SEMA5A: variants seen among roughly 807,000 people sequenced by gnomAD.
SEMA5A encodes semaphorin 5A.
In SEMA5A, 55 loss-of-function variants were observed where a neutral mutation model predicts 135.5. The ratio of observed to expected loss-of-function variants is 0.41; its 90% confidence interval spans 0.33 to 0.51. The LOEUF (loss-of-function observed/expected upper bound fraction) is 0.51, where lower values mean the gene tolerates loss of function less well. Ranked by LOEUF, SEMA5A falls within the 20% of genes least tolerant of loss-of-function variation. The probability of loss-of-function intolerance (pLI) is 0.37; values close to 1 mark genes in which losing one functional copy is unlikely to be tolerated. For synonymous variants in SEMA5A, 580 were observed against 546.5 expected (o/e 1.06, Z -0.85); for missense variants, 1,290 against 1,419.9 (o/e 0.91, Z 1.47).
intron 11 of SEMA5A, among the ~76,000 whole-genome samples, chr5:9,167,250 C>A (rs1743660765): frequency 6.6e-6 from 1 of 152,130 alleles, no homozygotes; most frequent in Admixed American, 6.6e-5. Context: ...TTATCCATTT[C>A]TATGATTTCA....
intron 9 of SEMA5A, among the ~76,000 whole-genome samples, chr5:9,197,738 G>C: frequency 1.1e-5 from 1 of 90,060 alleles, no homozygotes; most frequent in African/African-American, 3.9e-5. Context: ...TTGTGTGTGT[G>C]TGTGTGTGTG....
chr5:9,056,733 T>A (rs541244605), intron 18 of SEMA5A, among the ~76,000 whole-genome samples: 2 of 152,066 alleles, frequency 1.3e-5, no homozygotes, highest in East Asian at 3.9e-4. Flanking sequence ...AATAAAAAAA[T>A]GAAAATAGAA....
chr5:9,073,262 T>C (rs1387131383), intron 16 of SEMA5A, among the ~76,000 whole-genome samples: 2 of 152,204 alleles, frequency 1.3e-5, no homozygotes, highest in East Asian at 1.9e-4. Flanking sequence ...TAACACCTCA[T>C]GATCAAGTGG....
chr5:9,434,265 T>C (rs564530420), intron 2 of SEMA5A, among the ~76,000 whole-genome samples: 2 of 152,302 alleles, frequency 1.3e-5, no homozygotes, highest in Non-Finnish European at 2.9e-5. Flanking sequence ...CAGAATTTTA[T>C]GTCTAGTATT....
At chr5:9,476,828 T>C (rs944388504) in intron 1 of SEMA5A, among the ~76,000 whole-genome samples, 2 of 152,062 alleles carry the variant, frequency 1.3e-5, no homozygotes, top group Non-Finnish European at 1.5e-5. Context: ...ATCCCAGCAG[T>C]TTGGGAGGCC....
intron 3 of SEMA5A, among the ~76,000 whole-genome samples, chr5:9,353,825 C>T (rs927175959): frequency 2.0e-5 from 3 of 152,038 alleles, no homozygotes; most frequent in Non-Finnish European, 2.9e-5. Flanking sequence ...AAAAAGCAAA[C>T]CTTCTGGAAT....
rs6874269 is a variant in SEMA5A, at chr5:9,226,316, C to A, written c.432+553G>T. ...TTCTACTGACCCTGCCATGCTACTGCTATGGTGTGTGCAGCTGAAAATTAC... is the reference window on the plus strand; with the variant it reads ...TTCTACTGACCCTGCCATGCTACTGATATGGTGTGTGCAGCTGAAAATTAC... On this transcript the variant is annotated intron_variant, in intron 7 of 22. Coordinates refer to ENST00000382496, the MANE Select transcript of SEMA5A (RefSeq NM_003966.3). 9.3e-3 allele frequency among the ~76,000 whole-genome samples: 1,411 copies of A among 152,264 alleles called. 20 individuals are homozygous for A. The highest frequency in any genetic ancestry group is 0.028 in the African/African-American group (1,170 of 41,534).
At chr5:9,522,954 G>A (rs1165567139) in intron 1 of SEMA5A, 2 of 152,152 alleles carry the variant, frequency 1.3e-5, no homozygotes, top group African/African-American at 4.8e-5. Context: ...TCTAAATGAT[G>A]ACGCACATAC....
At chr5:9,310,270 G>A (rs73742634) in intron 5 of SEMA5A, among the ~76,000 whole-genome samples, 3,245 of 152,122 alleles carry the variant, frequency 0.021, 115 homozygotes, top group African/African-American at 0.075. Flanking sequence ...CAATATGTCT[G>A]GATTCCAAAT....
chr5:9,292,099 C>T (rs1019397790), intron 5 of SEMA5A, among the ~76,000 whole-genome samples: 1 of 151,622 alleles, frequency 6.6e-6, no homozygotes, highest in Non-Finnish European at 1.5e-5. Flanking sequence ...GAAGCAGAAG[C>T]AACAGTGGCG....
In SEMA5A at chr5:9,037,653, A is replaced by C. The variant is rs1030002718; in HGVS notation, c.*5244T>G. 2 of 152,132 alleles carry C rather than the reference A, an allele frequency of 1.3e-5. No individual in the cohort carries two copies. Among genetic ancestry groups the C allele is most frequent in the Non-Finnish European group, 2.9e-5 (2 of 68,024 alleles). The allele number at this position is 152,132 out of a possible 1,614,324, so 9.4% of individuals were successfully genotyped here. A position where few individuals can be genotyped will look rare whatever the true frequency, so the allele number is the denominator to read the frequency against. ...CATCTTATTTACCTTTTCTATTACC[A>C]AAAGAGAAAAGAAGCAAGGATTAAA... On this transcript the variant is annotated 3_prime_UTR_variant, in exon 23 of 23. Coordinates refer to ENST00000382496, the MANE Select transcript of SEMA5A (RefSeq NM_003966.3).
At chr5:9,513,442 G>A (rs1414416043) in intron 1 of SEMA5A, among the ~76,000 whole-genome samples, 1 of 152,144 alleles carries the variant, frequency 6.6e-6, no homozygotes, top group Non-Finnish European at 1.5e-5. Context: ...AATGTGCACA[G>A]CTTATACAGT....
At chr5:9,213,184 A>G (rs1317930117) in intron 8 of SEMA5A, among the ~76,000 whole-genome samples, 1 of 152,266 alleles carries the variant, frequency 6.6e-6, no homozygotes, top group African/African-American at 2.4e-5. Flanking sequence ...ATACCATTAC[A>G]TTGAAGGTTC....
At chr5:9,395,654 T>C (rs1447758709) in intron 2 of SEMA5A, among the ~76,000 whole-genome samples, 1 of 152,232 alleles carries the variant, frequency 6.6e-6, no homozygotes, top group Non-Finnish European at 1.5e-5. Flanking sequence ...TGCATTTTGG[T>C]CCTCAAAGTG....
chr5:9,366,253 TG>T (rs1754909415), intron 3 of SEMA5A, among the ~76,000 whole-genome samples: 1 of 152,202 alleles, frequency 6.6e-6, no homozygotes, highest in Non-Finnish European at 1.5e-5. Context: ...ATTGTGGAAA[TG>T]TATGCAAATT....
intron 2 of SEMA5A, among the ~76,000 whole-genome samples, chr5:9,420,998 A>T (rs1430584191): frequency 6.6e-6 from 1 of 152,242 alleles, no homozygotes; most frequent in Non-Finnish European, 1.5e-5. Context: ...CCTGGGTGAC[A>T]GAGCGAGACT....
Position 9,545,962 on chromosome 5 carries a change from G to A in SEMA5A, c.-553C>T, listed in dbSNP as rs1388997625. The A allele has an allele frequency of 1.3e-5, 2 of 152,442 alleles. No individual in the cohort carries two copies. The highest frequency in any genetic ancestry group is 2.1e-4 in the South Asian group (1 of 4,840). The allele number at this position is 152,442 out of a possible 1,614,324, so 9.4% of individuals were successfully genotyped here. On this transcript the variant is annotated 5_prime_UTR_variant, in exon 1 of 23. Transcript: ENST00000382496. This position sits in a 1 kb window ranked among gnomAD's most constrained non-coding sequence, Gnocchi z 4.5. ...GAAGGTGGAGGGCCGGGGCTGCAGC[G>A]GGCCAAGGGCCGCGGCTGGCCTGAG...
intron 12 of SEMA5A, among the ~76,000 whole-genome samples, chr5:9,138,261 C>T (rs1741869424): frequency 1.3e-5 from 2 of 152,134 alleles, no homozygotes; most frequent in Non-Finnish European, 1.5e-5. Flanking sequence ...GCCTATTTCC[C>T]TAGTAGTAGT....
chr5:9,061,043 T>G (rs1485634906), intron 18 of SEMA5A, among the ~76,000 whole-genome samples: 1 of 151,918 alleles, frequency 6.6e-6, no homozygotes, highest in Non-Finnish European at 1.5e-5. Flanking sequence ...GGCAGCCTGC[T>G]TGCTGTGGCT....
Sources: gnomAD v4.1 joint callset for allele counts (sites outside exome capture counted in the v4.1 genomes callset) on GRCh38, gnomAD v4.1.1 for gene constraint, Gnocchi (gnomAD v3.1) non-coding constraint, MANE v1.5 for transcripts, NCBI Gene and HGNC (gene_info 2026-07-23, HGNC 2026-07-21) for gene names.